PALS2: variants seen among roughly 807,000 people sequenced by gnomAD.
The protein encoded by PALS2 is protein associated with LIN7 2, MAGUK p55 family member, also known as protein PALS2.
PALS2 carries 27 observed loss-of-function variants against 61.6 expected under a neutral mutation model. The ratio of observed to expected loss-of-function variants is 0.44; its 90% CI spans 0.32 to 0.60. The LOEUF (loss-of-function observed/expected upper bound fraction) is 0.60, where lower values mean the gene tolerates loss of function less well. PALS2 is among the 20% of genes least tolerant of loss of function. The pLI is 0.05. For synonymous variants in PALS2, 236 were observed against 218.6 expected, an observed-to-expected ratio of 1.08 and a Z score of -0.70; for missense variants, 554 against 639.4, an observed-to-expected ratio of 0.87 and a Z score of 1.44.
intron 1 of PALS2, among the ~76,000 whole-genome samples, chr7:24,614,614 G>A (rs973806322): frequency 6.6e-6 from 1 of 151,796 alleles, no homozygotes. Flanking sequence ...ACATCTAAAA[G>A]GATAGACCCT....
chr7:24,609,234 G>T (rs1248438248), intron 1 of PALS2, among the ~76,000 whole-genome samples: 1 of 152,120 alleles, frequency 6.6e-6, no homozygotes, highest in African/African-American at 2.4e-5. Flanking sequence ...GATTTCCTCT[G>T]TATTTGTGTA....
intron 9 of PALS2, among the ~76,000 whole-genome samples, chr7:24,678,235 C>T (rs565409647): frequency 2.0e-5 from 3 of 152,244 alleles, no homozygotes; most frequent in African/African-American, 7.2e-5. Context: ...TAGCACAGAC[C>T]AACTTGCAAA....
At chr7:24,665,025 G>A (rs941617208) in intron 6 of PALS2, among the ~76,000 whole-genome samples, 1 of 151,982 alleles carries the variant, frequency 6.6e-6, no homozygotes, top group African/African-American at 2.4e-5. Flanking sequence ...CAGTTCTCCA[G>A]CCACTATTTT....
intron 5 of PALS2, among the ~76,000 whole-genome samples, chr7:24,651,536 A>G (rs2711115): frequency 0.51 from 76,853 of 152,116 alleles, 23,177 homozygotes; most frequent in African/African-American, 0.83. Flanking sequence ...CTGGCACATA[A>G]TGAGTGCTCA....
chr7:24,630,191 G>A (rs1050592250), intron 2 of PALS2, among the ~76,000 whole-genome samples: 2 of 152,162 alleles, frequency 1.3e-5, no homozygotes, highest in Non-Finnish European at 1.5e-5. Context: ...CATTGATAGA[G>A]CTGTAAACCA....
intron 11 of PALS2, among the ~76,000 whole-genome samples, 193 bp downstream of exon 11, chr7:24,680,713 A>C (rs1209112133): frequency 2.6e-5 from 4 of 152,206 alleles, no homozygotes; most frequent in Non-Finnish European, 5.9e-5. Context: ...CTCCTGCCTC[A>C]GCCTCCCAAG....
rs1476818416 is a variant in PALS2, at chr7:24,618,953, C to T, written c.-2-4713C>T. Among the ~76,000 whole-genome samples, 2 of 152,232 alleles carry T rather than the reference C, an allele frequency of 1.3e-5. No homozygotes were observed. Among genetic ancestry groups the T allele is most frequent in the South Asian group, 2.1e-4 (1 of 4,832 alleles). On this transcript the variant is annotated intron_variant, in intron 1 of 11. Transcript: ENST00000222644. This position sits in a 1 kb window ranked among gnomAD's most constrained non-coding sequence, Gnocchi z 5.1. ...CAGCCATCTTACTGACATCACTCTT[C>T]GTGTCTTGTCTTTTTTTGATTAGAC...
rs1396211736 is a variant in PALS2, at chr7:24,596,264, G to A, written c.-3+22671G>A. On this transcript the variant is annotated intron_variant, in intron 1 of 11. Coordinates refer to ENST00000222644, the MANE Select transcript of PALS2 (RefSeq NM_001303037.2). The surrounding 1 kb of genome is among the most constrained non-coding windows in gnomAD (Gnocchi z 4.5). The stretch of plus-strand genomic sequence containing the variant: ...AAGAATTGATGGTGGCTTAGCGTAG[G>A]GGGATAGCAGTGAATGGGCAAGGGA... 6.6e-6 allele frequency among the ~76,000 whole-genome samples: 1 copy of A among 152,146 alleles called. No homozygotes were observed. The highest frequency in any genetic ancestry group is 1.5e-5 in the Non-Finnish European group (1 of 68,016).
intron 1 of PALS2, among the ~76,000 whole-genome samples, chr7:24,602,200 T>C (rs568967864): frequency 3.3e-5 from 5 of 152,274 alleles, no homozygotes; most frequent in South Asian, 2.1e-4. Context: ...CTAAGAGCTC[T>C]TTTGTTTCCT....
chr7:24,632,430 T>C (rs1434479811), intron 2 of PALS2, among the ~76,000 whole-genome samples: 1 of 152,200 alleles, frequency 6.6e-6, no homozygotes, highest in Non-Finnish European at 1.5e-5. Context: ...AGACGGAGTC[T>C]TGCTCTGTTG....
chr7:24,616,427 A>G (rs923812844), intron 1 of PALS2, among the ~76,000 whole-genome samples: 1 of 152,198 alleles, frequency 6.6e-6, no homozygotes, highest in Non-Finnish European at 1.5e-5. Context: ...CAAGAAAGCC[A>G]TTATATTTAC....
intron 11 of PALS2, among the ~76,000 whole-genome samples, chr7:24,685,934 C>T (rs1310880232): frequency 3.9e-5 from 6 of 152,124 alleles, no homozygotes; most frequent in Admixed American, 2.6e-4. Context: ...ATACAGCTAG[C>T]CCAGACCTCA....
At chr7:24,648,919 A>AG (rs1785990211) in intron 3 of PALS2, among the ~76,000 whole-genome samples, 1 of 151,892 alleles carries the variant, frequency 6.6e-6, no homozygotes, top group East Asian at 1.9e-4. Flanking sequence ...AAGAAAAAAA[A>AG]AAAGCAATTC....
intron 1 of PALS2, among the ~76,000 whole-genome samples, chr7:24,579,834 T>C (rs1238251394): frequency 2.0e-5 from 3 of 152,202 alleles, no homozygotes; most frequent in African/African-American, 4.8e-5. Flanking sequence ...AATAGAGCAA[T>C]TTTTTATAAA....
chr7:24,673,906 A>G (rs1332214895), intron 9 of PALS2, among the ~76,000 whole-genome samples: 2 of 152,076 alleles, frequency 1.3e-5, no homozygotes, highest in African/African-American at 2.4e-5. Flanking sequence ...ATTCACAGCT[A>G]TAAATTTCCC....
chr7:24,578,299 T>A (rs1161339205), intron 1 of PALS2, among the ~76,000 whole-genome samples: 1 of 152,222 alleles, frequency 6.6e-6, no homozygotes, highest in Non-Finnish European at 1.5e-5. Context: ...TTAGACCTGT[T>A]CCTGGCACAT....
intron 3 of PALS2, 53 bp from the exon 4 acceptor site, chr7:24,649,559 C>A: frequency 1.4e-6 from 2 of 1,431,202 alleles, no homozygotes; most frequent in Non-Finnish European, 1.8e-6. Flanking sequence ...CTTTTAGTAA[C>A]AAATTTCATC....
intron 5 of PALS2, among the ~76,000 whole-genome samples, chr7:24,660,596 A>G (rs75252181): frequency 0.069 from 10,532 of 152,212 alleles, 448 homozygotes; most frequent in African/African-American, 0.11. Flanking sequence ...CACATCATGT[A>G]GACCTACCAT....
chr7:24,628,754 A>C (rs1246366202), intron 2 of PALS2, among the ~76,000 whole-genome samples: 1 of 152,204 alleles, frequency 6.6e-6, no homozygotes, highest in African/African-American at 2.4e-5. Context: ...ATTGCTACAA[A>C]GAGAATAAAA....
Sources: allele counts gnomAD v4.1 joint callset (sites outside exome capture counted in the v4.1 genomes callset), GRCh38; gene constraint gnomAD v4.1.1; non-coding constraint Gnocchi (gnomAD v3.1); transcripts MANE v1.5; gene names NCBI Gene and HGNC (gene_info 2026-07-23, HGNC 2026-07-21).